Variants in FAF1 observed in about 807,000 individuals in gnomAD.
The protein encoded by FAF1 is Fas associated factor 1, also known as FAS-associated factor 1.
A neutral mutation model predicts 92.5 loss-of-function variants in FAF1; 25 were observed. The observed-to-expected ratio is 0.27, with a 90% CI of 0.20 to 0.38. The LOEUF (loss-of-function observed/expected upper bound fraction) is 0.38, where lower values mean the gene tolerates loss of function less well. Ranked by LOEUF, FAF1 falls within the 10% of genes least tolerant of loss-of-function variation. The probability of loss-of-function intolerance (pLI) is 1.00; values close to 1 mark genes in which losing one functional copy is unlikely to be tolerated. For missense variants in FAF1, 636 were observed against 793.3 expected, an observed-to-expected ratio of 0.80 and a Z score of 2.38; for synonymous variants, 234 against 273.2, an observed-to-expected ratio of 0.86 and a Z score of 1.42.
intron 15 of FAF1, among the ~76,000 whole-genome samples, chr1:50,520,772 G>A (rs1476002621): frequency 6.6e-5 from 10 of 152,190 alleles, no homozygotes; most frequent in Non-Finnish European, 1.3e-4. Context: ...TTCAGCCTGG[G>A]AGGTCGAGGC....
chr1:50,915,209 G>GAAAATAC (rs1644911147), intron 1 of FAF1, among the ~76,000 whole-genome samples: 1 of 151,952 alleles, frequency 6.6e-6, no homozygotes, highest in Non-Finnish European at 1.5e-5. Context: ...TGTCTCTACT[G>GAAAATAC]AAAATACAAA....
chr1:50,451,482 G>T (rs1265250551), intron 18 of FAF1, among the ~76,000 whole-genome samples: 4 of 152,174 alleles, frequency 2.6e-5, no homozygotes, highest in Non-Finnish European at 5.9e-5. Flanking sequence ...GGCAGGAAGT[G>T]GCAGAGCAAG....
chr1:50,728,003 A>G (rs1320205930), intron 6 of FAF1, among the ~76,000 whole-genome samples: 1 of 152,164 alleles, frequency 6.6e-6, no homozygotes, highest in Admixed American at 6.5e-5. Context: ...CAGATGGCCT[A>G]TCATGGGACT....
intron 1 of FAF1, among the ~76,000 whole-genome samples, chr1:50,911,516 T>G (rs1260986914): frequency 1.4e-5 from 2 of 145,696 alleles, no homozygotes; most frequent in Non-Finnish European, 3.0e-5. Flanking sequence ...GCCAACATGG[T>G]GAAACCCCAT....
intron 1 of FAF1, among the ~76,000 whole-genome samples, chr1:50,893,536 G>A (rs775459667): frequency 2.6e-5 from 4 of 152,092 alleles, no homozygotes; most frequent in African/African-American, 9.7e-5. Context: ...CAAACAAATG[G>A]AGACTCTCTC....
At chr1:50,780,013 C>G (rs933479762) in intron 4 of FAF1, among the ~76,000 whole-genome samples, 1 of 151,964 alleles carries the variant, frequency 6.6e-6, no homozygotes, top group Non-Finnish European at 1.5e-5. Flanking sequence ...CACACACACA[C>G]ACACACACAG....
intron 2 of FAF1, among the ~76,000 whole-genome samples, chr1:50,826,537 T>A (rs1570012436): frequency 1.4e-5 from 2 of 143,660 alleles, no homozygotes; most frequent in Non-Finnish European, 1.5e-5. Flanking sequence ...TGGGAGAGAG[T>A]GAGACTCCGT....
intron 1 of FAF1, among the ~76,000 whole-genome samples, chr1:50,864,001 G>A (rs1440747377): frequency 6.6e-6 from 1 of 151,838 alleles, no homozygotes; most frequent in East Asian, 1.9e-4. Context: ...AGAGGTGTTT[G>A]TAGTATTCTC....
intron 7 of FAF1, among the ~76,000 whole-genome samples, chr1:50,659,961 T>C (rs1390941364): frequency 2.6e-5 from 4 of 152,330 alleles, no homozygotes; most frequent in South Asian, 4.1e-4. Context: ...CCTGTTTATA[T>C]ACTATAATTA....
intron 1 of FAF1, among the ~76,000 whole-genome samples, chr1:50,924,159 T>C (rs935043333): frequency 5.3e-5 from 8 of 151,750 alleles, no homozygotes; most frequent in African/African-American, 1.7e-4. Flanking sequence ...ATCTTACATA[T>C]AGAAAACCTA....
intron 8 of FAF1, among the ~76,000 whole-genome samples, chr1:50,633,784 G>A (rs1168409489): frequency 2.6e-5 from 4 of 152,152 alleles, no homozygotes; most frequent in Non-Finnish European, 4.4e-5. Context: ...GTCTAATAAC[G>A]ATATTCGTTG....
rs775676758 is a variant in FAF1, at chr1:50,884,423, G to A, written c.46-26426C>T. On this transcript the variant is annotated intron_variant, in intron 1 of 18. Coordinates refer to ENST00000396153, the MANE Select transcript of FAF1 (RefSeq NM_007051.3). Reference sequence around the variant, plus strand: ...TGCACCTGCAGTCCCAGCTACTCGCGATGCTGAGGCAGGAGAATCGCTTGA... The same window carrying A: ...TGCACCTGCAGTCCCAGCTACTCGCAATGCTGAGGCAGGAGAATCGCTTGA... 1.2e-4 allele frequency among the ~76,000 whole-genome samples: 18 copies of A among 151,508 alleles called. No homozygotes were observed. In the South Asian group the frequency reaches 2.3e-3, roughly 19 times the overall value.
chr1:50,584,619 C>G, intron 10 of FAF1, 66 bp downstream of exon 10: 1 of 1,508,546 alleles, frequency 6.6e-7, no homozygotes, highest in Non-Finnish European at 9.0e-7. Flanking sequence ...GTTTAATGTT[C>G]TTCATAAGTT....
At chr1:50,931,888 AAATAATAATAATAAT>A (rs201964842) in intron 1 of FAF1, among the ~76,000 whole-genome samples, 16 of 129,482 alleles carry the variant, frequency 1.2e-4, no homozygotes, top group African/African-American at 2.9e-4. Flanking sequence ...ATAAATAAAT[AAATAATAATAATAAT>A]AATAATAATA....
At chr1:50,902,304 T>C (rs904090696) in intron 1 of FAF1, among the ~76,000 whole-genome samples, 1 of 152,180 alleles carries the variant, frequency 6.6e-6, no homozygotes, top group African/African-American at 2.4e-5. Context: ...ATCTGAAATA[T>C]GTGTAATAAG....
chr1:50,572,244 C>A (rs984219235), intron 12 of FAF1, among the ~76,000 whole-genome samples: 1 of 152,176 alleles, frequency 6.6e-6, no homozygotes, highest in African/African-American at 2.4e-5. Context: ...TTTGCTTTAT[C>A]ATTCTTTTAA....
At chr1:50,542,041 A>G (rs1648781813) in intron 13 of FAF1, among the ~76,000 whole-genome samples, 1 of 152,146 alleles carries the variant, frequency 6.6e-6, no homozygotes, top group Admixed American at 6.6e-5. Flanking sequence ...AAAGTGATCA[A>G]TTTTCTGCTA....
At chr1:50,835,524 T>C (rs995250421) in intron 2 of FAF1, among the ~76,000 whole-genome samples, 3 of 146,664 alleles carry the variant, frequency 2.0e-5, no homozygotes, top group Admixed American at 6.9e-5. Flanking sequence ...TGAGCCGACA[T>C]TGCGCCACTG....
At chr1:50,791,458 T>G (rs529102290) in intron 3 of FAF1, among the ~76,000 whole-genome samples, 102 of 152,332 alleles carry the variant, frequency 6.7e-4, no homozygotes, top group Non-Finnish European at 1.1e-3. Flanking sequence ...AGACACTATC[T>G]AGAGATTAGT....
Sources: allele counts gnomAD v4.1 joint callset (sites outside exome capture counted in the v4.1 genomes callset), GRCh38; gene constraint gnomAD v4.1.1; transcripts MANE v1.5; gene names NCBI Gene and HGNC (gene_info 2026-07-23, HGNC 2026-07-21).